CALR: variants seen among roughly 807,000 people sequenced by gnomAD.
CALR encodes calreticulin.
In CALR, 15 loss-of-function variants were observed where a neutral mutation model predicts 51.1. The ratio of observed to expected loss-of-function variants is 0.29; its 90% CI spans 0.20 to 0.45. CALR has a LOEUF of 0.45. CALR is among the 20% of genes least tolerant of loss of function. The pLI is 1.00. For synonymous variants in CALR, 239 were observed against 205.9 expected (o/e 1.16, Z -1.38); for missense variants, 477 against 530.6 (o/e 0.90, Z 0.99).
chr19:12,943,034 G>C (rs1954793106), intron 7 of CALR, among the ~76,000 whole-genome samples: 1 of 149,446 alleles, frequency 6.7e-6, no homozygotes, highest in Non-Finnish European at 1.5e-5. Flanking sequence ...GGGATTACAG[G>C]CATGAGCCCG....
Position 12,943,805 on chromosome 19 carries a change from AGAGGACAAGGAGGATGAT to A in CALR, c.1155_1172del (p.Glu386_Lys391del), listed in dbSNP as rs1254354686. ...AGAAACGCAAAGAGGAGGAGGAGGC[AGAGGACAAGGAGGATGAT>A]GAGGACAAAGATGAGGATGAGGAGG... is the stretch of plus-strand genomic sequence containing the variant. On this transcript the variant is annotated inframe_deletion, in exon 9 of 9. Coordinates refer to ENST00000316448, the MANE Select transcript of CALR (RefSeq NM_004343.4). 4 of 1,587,774 alleles carry A rather than the reference AGAGGACAAGGAGGATGAT, an allele frequency of 2.5e-6. No homozygotes were observed. The highest frequency in any genetic ancestry group is 2.3e-5 in the South Asian group (2 of 88,270).
At chr19:12,938,794 G>A in intron 1 of CALR, 24 bp downstream of exon 1, 1 of 1,565,866 alleles carries the variant, frequency 6.4e-7, no homozygotes, top group South Asian at 1.1e-5. Context: ...CCGCCTCGAG[G>A]CCGCCCCGAC....
Position 12,940,809 on chromosome 19 carries a change from T to G in CALR, c.882T>G (p.Ile294Met), listed in dbSNP as rs1359004353. Residue 294 changes from isoleucine to methionine, a missense_variant, in exon 7 of 9, where the codon ATT becomes ATG. Coordinates refer to ENST00000316448, the MANE Select transcript of CALR (RefSeq NM_004343.4). ...AGGGCACTTGGATCCACCCAGAAAT[T>G]GACAACCCCGAGTATTCTCCCGATC... ...DYKGTWIHPE[I>M]DNPEYSPDPS... is the part of the protein sequence containing the mutation. 1 of 1,613,850 alleles carries G rather than the reference T, an allele frequency of 6.2e-7. No homozygotes were observed. The highest frequency in any genetic ancestry group is 8.5e-7 in the Non-Finnish European group (1 of 1,179,990).
At chr19:12,943,077 C>CTTTTTTTT (rs56396276) in intron 7 of CALR, 12 of 77,438 alleles carry the variant, frequency 1.5e-4, no homozygotes, top group South Asian at 2.8e-4. Flanking sequence ...ATCTTTCCAT[C>CTTTTTTTT]TTTTTTTTTT....
At chr19:12,939,376 G>A in intron 2 of CALR, 52 bp from the exon 3 acceptor site, 1 of 1,571,992 alleles carries the variant, frequency 6.4e-7, no homozygotes, top group Non-Finnish European at 8.7e-7. Context: ...TCTAAGTCGA[G>A]GGTCCTCGCG....
Position 12,940,136 on chromosome 19 carries a change from A to G in CALR, c.481A>G (p.Ile161Val), listed in dbSNP as rs769026163. 9 of 1,614,010 alleles carry G rather than the reference A, an allele frequency of 5.6e-6. No individual in the cohort carries two copies. The highest frequency in any genetic ancestry group is 4.4e-5 in the South Asian group (4 of 91,086). ...KGKNVLINKD[I>V]RCKDDEFTHL... ...CAAGAACGTGCTGATCAACAAGGAC[A>G]TCCGTTGCAAGGTGTGCCTGGGGGT... The change falls in exon 4 of 9, where the codon ATC becomes GTC. Residue 161 changes from isoleucine to valine, a missense_variant. Physicochemically the swap from Ile to Val is conservative, Grantham distance 29. Transcript: ENST00000316448.
intron 7 of CALR, 21 bp from the exon 8 acceptor site, chr19:12,943,513 CCAT>C: frequency 6.2e-7 from 1 of 1,607,710 alleles, no homozygotes; most frequent in East Asian, 2.2e-5. Context: ...TCACCTCTGA[CCAT>C]CCTTCCCATT....
chr19:12,943,491 G>T, intron 7 of CALR, 46 bp from the exon 8 acceptor site: 1 of 1,550,898 alleles, frequency 6.4e-7, no homozygotes, highest in African/African-American at 1.4e-5. Context: ...CCAAAGCAAG[G>T]GCTATCGGGT....
rs749756031 is a variant in CALR at position 12,940,897 on chromosome 19, G to A, written c.960+10G>A. ...CCTGGACCTCTGGCAGGTGAGACTT[G>A]GAGGAAAAAGGAGGATCCCTGGGGT... On this transcript the variant is annotated intron_variant, in intron 7 of 8. Transcript: ENST00000316448. The A allele has an allele frequency of 6.2e-7, 1 of 1,613,738 alleles. No homozygotes were observed. The highest frequency in any genetic ancestry group is 1.1e-5 in the South Asian group (1 of 91,074).
Position 12,940,582 on chromosome 19 carries a change from G to A in CALR, c.744G>A (p.Lys248=), listed in dbSNP as rs1568448646. ...KPEHIPDPDA[K]KPEDWDEEMD... The stretch of plus-strand genomic sequence containing the variant: ...AGCATATCCCTGACCCTGATGCTAA[G>A]AAGCCCGAGGACTGGGATGAAGAGA... The change falls in exon 6 of 9, where the codon AAG becomes AAA. Residue 248 remains lysine (K), a synonymous_variant. Transcript: ENST00000316448. The A allele has an allele frequency of 6.2e-6, 10 of 1,614,178 alleles. No homozygotes were observed. Among genetic ancestry groups the A allele is most frequent in the Non-Finnish European group, 7.6e-6 (9 of 1,180,030 alleles).
In CALR at chr19:12,944,105, TTTA is replaced by T; in HGVS notation, c.*193_*195del. The T allele has an allele frequency of 1.2e-6, 1 of 811,898 alleles. No individual in the cohort carries two copies. The highest frequency in any genetic ancestry group is 2.7e-5 in the East Asian group (1 of 36,576). The allele number at this position is 811,898 out of a possible 1,614,324, so 50.3% of individuals were successfully genotyped here. On this transcript the variant is annotated 3_prime_UTR_variant, in exon 9 of 9. Coordinates refer to ENST00000316448, the MANE Select transcript of CALR (RefSeq NM_004343.4). ...CTCCCCGCCCTTTTTTTTTTTTTTT[TTTA>T]AACTGGTATTTTATCTTTGATTCTC... is the stretch of plus-strand genomic sequence containing the variant.
chr19:12,940,706 A>G (rs1971534073), intron 6 of CALR, 38 bp from the exon 7 acceptor site: 1 of 1,614,018 alleles, frequency 6.2e-7, no homozygotes, highest in South Asian at 1.1e-5. Flanking sequence ...GAGTGCACCA[A>G]CCTTACTCAC....
At chr19:12,942,373 A>C (rs1216698395) in intron 7 of CALR, among the ~76,000 whole-genome samples, 1 of 151,748 alleles carries the variant, frequency 6.6e-6, no homozygotes, top group Non-Finnish European at 1.5e-5. Context: ...AAAAAAAAAA[A>C]AATGCTGGGA....
chr19:12,939,003 C>A, intron 1 of CALR, 131 bp from the exon 2 acceptor site: 1 of 729,904 alleles, frequency 1.4e-6, no homozygotes, highest in Non-Finnish European at 2.5e-6. Flanking sequence ...ACGTGTCAAA[C>A]TAGAGGTTGG....
chr19:12,939,968 C>G (rs1039026028), intron 3 of CALR, 85 bp from the exon 4 acceptor site: 2 of 983,882 alleles, frequency 2.0e-6, no homozygotes, highest in Admixed American at 1.9e-5. Context: ...AGTTGAAGAA[C>G]CAGGTCTTCC....
At position 12,938,634 on chromosome 19, in the gene CALR, AG is replaced by A. The variant is rs774334892; in HGVS notation, c.-43del. 12 of 1,442,270 alleles carry A rather than the reference AG, an allele frequency of 8.3e-6. No homozygotes were observed. The highest frequency in any genetic ancestry group is 1.2e-5 in the Non-Finnish European group (12 of 1,040,972). The allele number at this position is 1,442,270 out of a possible 1,614,324, so 89.3% of individuals were successfully genotyped here. ...GTCCGTACTGCAGAGCCGCTGCCGG[AG>A]GGTCGTTTTAAAGGGCCCGCGCGTT... On this transcript the variant is annotated 5_prime_UTR_variant, in exon 1 of 9. Transcript: ENST00000316448.
intron 7 of CALR, 140 bp downstream of exon 7, chr19:12,941,027 T>C: frequency 1.2e-6 from 1 of 818,028 alleles, no homozygotes; most frequent in Non-Finnish European, 2.1e-6. Context: ...TCCTGGTCTG[T>C]CCCTGTGAAG....
Position 12,940,894 on chromosome 19 carries a change from C to T in CALR, c.960+7C>T, listed in dbSNP as rs1174581941. ...GGGCCTGGACCTCTGGCAGGTGAGA[C>T]TTGGAGGAAAAAGGAGGATCCCTGG... On this transcript the variant is annotated splice_region_variant and intron_variant, in intron 7 of 8. Coordinates refer to ENST00000316448, the MANE Select transcript of CALR (RefSeq NM_004343.4). 3 of 1,613,724 alleles carry T rather than the reference C, an allele frequency of 1.9e-6. No individual in the cohort carries two copies. The highest frequency in any genetic ancestry group is 2.2e-5 in the East Asian group (1 of 44,888).
intron 1 of CALR, 66 bp from the exon 2 acceptor site, chr19:12,939,068 C>T: frequency 1.1e-6 from 1 of 945,408 alleles, no homozygotes; most frequent in Non-Finnish European, 1.7e-6. Context: ...TGGCTCTCGG[C>T]AGATGTTTGG....
Sources: gnomAD v4.1 joint callset for allele counts (sites outside exome capture counted in the v4.1 genomes callset) on GRCh38, gnomAD v4.1.1 for gene constraint, MANE v1.5 for transcripts, NCBI Gene and HGNC (gene_info 2026-07-23, HGNC 2026-07-21) for gene names.